OR2G6: variants seen among roughly 807,000 people sequenced by gnomAD.
OR2G6 encodes olfactory receptor family 2 subfamily G member 6, also known as olfactory receptor 2G6.
For synonymous variants in OR2G6, 183 were observed against 155.2 expected (o/e 1.18, Z -1.33); for missense variants, 457 against 391.3 (o/e 1.17, Z -1.42).
intron 1 of OR2G6, among the ~76,000 whole-genome samples, chr1:248,520,307 T>C (rs1054264497): frequency 8.5e-5 from 13 of 152,080 alleles, no homozygotes; most frequent in Non-Finnish European, 1.3e-4. Flanking sequence ...GGGATAGCAT[T>C]AGGAGAAATA....
intron 1 of OR2G6, among the ~76,000 whole-genome samples, chr1:248,520,042 A>G (rs1348583741): frequency 1.3e-5 from 2 of 152,220 alleles, no homozygotes; most frequent in Admixed American, 1.3e-4. Flanking sequence ...CATCAATGAT[A>G]GACTGGATAA....
chr1:248,521,414 G>GTTGT (rs554252082), intron 1 of OR2G6, among the ~76,000 whole-genome samples, 197 bp from the exon 2 acceptor site: 5 of 152,076 alleles, frequency 3.3e-5, no homozygotes, highest in Admixed American at 2.0e-4. Flanking sequence ...CAATACTTTT[G>GTTGT]TTGTTTGAGT....
At position 248,522,296 on chromosome 1, in the gene OR2G6, C is replaced by T; in HGVS notation, c.650C>T (p.Ser217Phe). ...LIVPVLLILV[S>F]YGFITQAVLR... The stretch of plus-strand genomic sequence containing the variant: ...GTCCCGGTGTTACTCATCTTAGTCT[C>T]CTATGGCTTTATCACTCAAGCTGTG... The change falls in exon 2 of 2, where the codon TCC becomes TTC. Residue 217 changes from serine (S) to phenylalanine (F), a missense_variant. By Grantham distance (155) the Ser-to-Phe change is radical. Transcript: ENST00000641804. The T allele has an allele frequency of 6.2e-7, 1 of 1,614,192 alleles. No individual in the cohort carries two copies. The highest frequency in any genetic ancestry group is 8.5e-7 in the Non-Finnish European group (1 of 1,180,038).
chr1:248,522,076 C>A lies in OR2G6; in HGVS notation c.430C>A (p.Leu144Met). 6.2e-7 allele frequency: 1 copy of A among 1,614,184 alleles called. No individual in the cohort carries two copies. The highest frequency in any genetic ancestry group is 1.3e-5 in the African/African-American group (1 of 75,050). ...TATGCACCCCAGGTTCTGTGCGTCT[C>A]TGGCCGGTGGAGCATGGCTCAGCGG... ...AIMHPRFCAS[L>M]AGGAWLSGLI... Residue 144 changes from leucine to methionine, a missense_variant, in exon 2 of 2, where the codon CTG (leucine) becomes ATG (methionine). Coordinates refer to ENST00000641804, the MANE Select transcript of OR2G6 (RefSeq NM_001013355.2).
In OR2G6 at chr1:248,521,911, GAC is replaced by G. The variant is rs2103061304; in HGVS notation, c.267_268del (p.Asp89GlufsTer22). 1 of 1,614,140 alleles carries G rather than the reference GAC, an allele frequency of 6.2e-7. No individual in the cohort carries two copies. ...GTTGCTGGTTACCATGAATAAGAAA[GAC>G]AAAACCATGAGCTACGGTGGCTGTG... ...PQLLVTMNKKDKTMSYGGCVA... is the reference protein window; with the variant it reads ...PQLLVTMNKKXKTMSYGGCVA... On this transcript the variant is annotated frameshift_variant, in exon 2 of 2. Coordinates refer to ENST00000641804, the MANE Select transcript of OR2G6 (RefSeq NM_001013355.2). LOFTEE classifies it low-confidence loss of function (END_TRUNC).
At position 248,522,907 on chromosome 1, in the gene OR2G6, ATGTT is replaced by A. The variant is rs1353873041; in HGVS notation, c.*314_*317del. ...GACCCTGTGTTCTATCTGGAAAAAA[ATGTT>A]TGTCCTTCATCCACCTGCCATCAAG... is the stretch of plus-strand genomic sequence containing the variant. On this transcript the variant is annotated 3_prime_UTR_variant, in exon 2 of 2. Coordinates refer to ENST00000641804, the MANE Select transcript of OR2G6 (RefSeq NM_001013355.2). 5 of 287,958 alleles carry A rather than the reference ATGTT, an allele frequency of 1.7e-5. No individual in the cohort carries two copies. Among genetic ancestry groups the A allele is most frequent in the Non-Finnish European group, 1.3e-5 (2 of 155,606 alleles). 17.8% of individuals were successfully genotyped at this position (287,958 alleles called of 1,614,324 possible).
intron 1 of OR2G6, among the ~76,000 whole-genome samples, chr1:248,520,158 G>A (rs1224875687): frequency 6.6e-6 from 1 of 152,136 alleles, no homozygotes; most frequent in Non-Finnish European, 1.5e-5. Flanking sequence ...ATCATTTTCA[G>A]CAAACTAACA....
At chr1:248,521,270 G>C (rs905742262) in intron 1 of OR2G6, among the ~76,000 whole-genome samples, 1 of 151,938 alleles carries the variant, frequency 6.6e-6, no homozygotes, top group African/African-American at 2.4e-5. Flanking sequence ...GCATCAAAAG[G>C]ACATTGGGTC....
chr1:248,520,834 C>T (rs898441782), intron 1 of OR2G6, among the ~76,000 whole-genome samples: 1 of 144,260 alleles, frequency 6.9e-6, no homozygotes, highest in Non-Finnish European at 1.5e-5. Flanking sequence ...CATGGTGAAA[C>T]CCCCATCTCT....
chr1:248,524,893 A>ATG lies in OR2G6; in HGVS notation c.*2297_*2298insGT, dbSNP rs1309170737. 1.3e-5 allele frequency: 2 copies of ATG among 151,740 alleles called. No individual in the cohort carries two copies. Among genetic ancestry groups the ATG allele is most frequent in the African/African-American group, 4.9e-5 (2 of 41,010 alleles). The allele number at this position is 151,740 out of a possible 1,614,324, so 9.4% of individuals were successfully genotyped here. On this transcript the variant is annotated 3_prime_UTR_variant, in exon 2 of 2. Transcript: ENST00000641804. Reference sequence around the variant, plus strand: ...AAAAGGAAACCAGAAAATAATAGATATAACATAGGCAAAGCAACCTAAAAA... The same window carrying ATG: ...AAAAGGAAACCAGAAAATAATAGATATGTAACATAGGCAAAGCAACCTAAAAA...
At chr1:248,519,847 GT>G (rs879574112) in intron 1 of OR2G6, among the ~76,000 whole-genome samples, 2 of 152,120 alleles carry the variant, frequency 1.3e-5, no homozygotes, top group African/African-American at 4.8e-5. Flanking sequence ...ATTTAAAGTA[GT>G]TTTTTCTAAT....
intron 1 of OR2G6, among the ~76,000 whole-genome samples, chr1:248,520,357 C>CAT (rs748310433): frequency 8.3e-4 from 127 of 152,160 alleles, no homozygotes; most frequent in Non-Finnish European, 1.1e-3. Context: ...AGGAAACCAC[C>CAT]ATGGCATGTG....
chr1:248,522,101 G>C lies in OR2G6; in HGVS notation c.455G>C (p.Gly152Ala). ...CTGGCCGGTGGAGCATGGCTCAGCGGCCTCATCACCTCCCTAATTCAGTGC... is the reference window on the plus strand; with the variant it reads ...CTGGCCGGTGGAGCATGGCTCAGCGCCCTCATCACCTCCCTAATTCAGTGC... ...ASLAGGAWLS[G>A]LITSLIQCSL... Residue 152 changes from glycine (G) to alanine (A), a missense_variant, in exon 2 of 2, where the codon GGC (glycine) becomes GCC (alanine). Coordinates refer to ENST00000641804, the MANE Select transcript of OR2G6 (RefSeq NM_001013355.2). 1 of 1,614,082 alleles carries C rather than the reference G, an allele frequency of 6.2e-7. No individual in the cohort carries two copies. Among genetic ancestry groups the C allele is most frequent in the Non-Finnish European group, 8.5e-7 (1 of 1,180,006 alleles).
At position 248,522,221 on chromosome 1, in the gene OR2G6, C is replaced by G. The variant is rs374685472; in HGVS notation, c.575C>G (p.Thr192Arg). 5 of 1,614,004 alleles carry G rather than the reference C, an allele frequency of 3.1e-6. No homozygotes were observed. The Admixed American group carries it at 8.3e-5, about 27-fold the overall frequency. ...PVLIKLACVD[T>R]TFNEAELFVA... ...CTCATCAAACTGGCCTGTGTGGATA[C>G]GACTTTCAACGAGGCAGAACTCTTT... The change falls in exon 2 of 2, where the codon ACG becomes AGG. Residue 192 changes from threonine (T) to arginine (R), a missense_variant. By Grantham distance (71) the Thr-to-Arg change is moderately conservative. Coordinates refer to ENST00000641804, the MANE Select transcript of OR2G6 (RefSeq NM_001013355.2).
chr1:248,525,696 T>C lies in OR2G6; in HGVS notation c.*3099T>C, dbSNP rs545614222. On this transcript the variant is annotated 3_prime_UTR_variant, in exon 2 of 2. Coordinates refer to ENST00000641804, the MANE Select transcript of OR2G6 (RefSeq NM_001013355.2). ...GCAAAATAACCAGCTAGCATCACGA[T>C]GACAAGATCAAATTCACACATAAAA... 7 of 152,202 alleles carry C rather than the reference T, an allele frequency of 4.6e-5. No individual in the cohort carries two copies. The highest frequency in any genetic ancestry group is 4.6e-4 in the Admixed American group (7 of 15,290). The allele number at this position is 152,202 out of a possible 1,614,324, so 9.4% of individuals were successfully genotyped here. A position where few individuals can be genotyped will look rare whatever the true frequency, so the allele number is the denominator to read the frequency against.
rs932695720 is a variant in OR2G6 at position 248,527,109 on chromosome 1, G to T, written c.*4512G>T. The T allele has an allele frequency of 6.6e-6, 1 of 152,104 alleles. No individual in the cohort carries two copies. The highest frequency in any genetic ancestry group is 1.5e-5 in the Non-Finnish European group (1 of 68,024). The allele number at this position is 152,104 out of a possible 1,614,324, so 9.4% of individuals were successfully genotyped here. On this transcript the variant is annotated 3_prime_UTR_variant, in exon 2 of 2. Coordinates refer to ENST00000641804, the MANE Select transcript of OR2G6 (RefSeq NM_001013355.2). ...GGAATTGCCTAGGTTTTCTTCTAGG[G>T]TTTTTATGGTTTTAGGTCTAACATT...
rs780090899 is a variant in OR2G6 at position 248,521,812 on chromosome 1, C to T, written c.166C>T (p.His56Tyr). 1.2e-6 allele frequency: 2 copies of T among 1,614,076 alleles called. No individual in the cohort carries two copies. The highest frequency in any genetic ancestry group is 1.7e-5 in the Admixed American group (1 of 60,008). Reference sequence around the variant, plus strand: ...AGTATGTTGTCTGGACTCCAGACTCCACACTCCAATGTACTTCTTCCTCAG... The same window carrying T: ...AGTATGTTGTCTGGACTCCAGACTCTACACTCCAATGTACTTCTTCCTCAG... ...ILVCCLDSRL[H>Y]TPMYFFLSNL... is the part of the protein sequence containing the mutation. The change falls in exon 2 of 2, where the codon CAC becomes TAC. Residue 56 changes from histidine (H) to tyrosine (Y), a missense_variant. Coordinates refer to ENST00000641804, the MANE Select transcript of OR2G6 (RefSeq NM_001013355.2).
At position 248,521,764 on chromosome 1, in the gene OR2G6, C is replaced by CA. The variant is rs1214703356; in HGVS notation, c.118_119insA (p.Leu40HisfsTer48). 3.1e-6 allele frequency: 5 copies of CA among 1,614,114 alleles called. No individual in the cohort carries two copies. The highest frequency in any genetic ancestry group is 3.3e-4 in the Middle Eastern group (2 of 6,062). Reference sequence around the variant, plus strand: ...TTTGTACTTCTACGTCTTGAGCCTTCTGGGGAACACTGCCCTCATACTAGT... The same window carrying CA: ...TTTGTACTTCTACGTCTTGAGCCTTCATGGGGAACACTGCCCTCATACTAGT... On this transcript the variant is annotated frameshift_variant, in exon 2 of 2. Transcript: ENST00000641804. LOFTEE classifies it low-confidence loss of function (END_TRUNC).
rs28624677 is a variant in OR2G6 at position 248,526,853 on chromosome 1, G to T, written c.*4256G>T. 1 of 151,340 alleles carries T rather than the reference G, an allele frequency of 6.6e-6. No individual in the cohort carries two copies. The allele number at this position is 151,340 out of a possible 1,614,324, so 9.4% of individuals were successfully genotyped here. A position where few individuals can be genotyped will look rare whatever the true frequency, so the allele number is the denominator to read the frequency against. On this transcript the variant is annotated 3_prime_UTR_variant, in exon 2 of 2. Transcript: ENST00000641804. ...CTTTTTGATGGGTTTTTTTTTTCTTGTAAATTTGTTTGAGTTCTTTGTAGA... is the reference window on the plus strand; with the variant it reads ...CTTTTTGATGGGTTTTTTTTTTCTTTTAAATTTGTTTGAGTTCTTTGTAGA...
Sources: allele counts gnomAD v4.1 joint callset (sites outside exome capture counted in the v4.1 genomes callset), GRCh38; gene constraint gnomAD v4.1.1; transcripts MANE v1.5; gene names NCBI Gene and HGNC (gene_info 2026-07-23, HGNC 2026-07-21).